The following LAMA2 variants were observed in gnomAD, a reference collection of about 807,000 sequenced individuals.
LAMA2 encodes laminin subunit alpha 2.
Under a neutral mutation model 364.8 loss-of-function variants are expected in LAMA2, and 269 were observed. The ratio of observed to expected loss-of-function variants is 0.74; its 90% confidence interval spans 0.67 to 0.82. The LOEUF is 0.82. LAMA2 is among the 40% of genes least tolerant of loss of function. LAMA2 has a pLI of 0.00. For synonymous variants in LAMA2, 1,379 were observed against 1,370.6 expected (o/e 1.01, Z -0.14); for missense variants, 3,807 against 3,873.2 (o/e 0.98, Z 0.45).
chr6:129,091,092 T>C (rs777466612), intron 3 of LAMA2, among the ~76,000 whole-genome samples: 2 of 152,054 alleles, frequency 1.3e-5, no homozygotes, highest in African/African-American at 2.4e-5. Flanking sequence ...GGAAAAAAAA[T>C]AACATTTTCA....
At position 129,393,098 on chromosome 6, in the gene LAMA2, G is replaced by A. The variant is rs774715616; in HGVS notation, c.5288G>A (p.Gly1763Glu). The A allele has an allele frequency of 4.3e-6, 7 of 1,613,974 alleles. No individual in the cohort carries two copies. Among genetic ancestry groups the A allele is most frequent in the Non-Finnish European group, 5.9e-6 (7 of 1,179,954 alleles). The change falls in exon 37 of 65, where the codon GGG becomes GAG. Residue 1763 changes from glycine to glutamate, a missense_variant. Physicochemically the swap from Gly to Glu is moderately conservative, Grantham distance 98. This residue lies in a region of LAMA2 where 3,333 missense variants were observed against 3,345.7 expected (regional missense o/e 1.00). Transcript: ENST00000421865. ...KVKKLFGESR[G>E]ENEEMEKDLR... Reference sequence around the variant, plus strand: ...AAGAAGCTGTTTGGAGAGTCCCGGGGGGAAAATGAAGAAATGGAGAAGGAT... The same window carrying A: ...AAGAAGCTGTTTGGAGAGTCCCGGGAGGAAAATGAAGAAATGGAGAAGGAT...
chr6:129,123,412 T>C (rs1291443324), intron 4 of LAMA2, among the ~76,000 whole-genome samples: 1 of 151,964 alleles, frequency 6.6e-6, no homozygotes, highest in Admixed American at 6.6e-5. Context: ...AATCAGGATC[T>C]CAAAGAGATA....
In LAMA2 at chr6:129,369,891, GC is replaced by G. The variant is rs766166913; in HGVS notation, c.4861del (p.His1621ThrfsTer20). 5 of 1,613,642 alleles carry G rather than the reference GC, an allele frequency of 3.1e-6. No homozygotes were observed. In the African/African-American group the frequency reaches 6.7e-5, roughly 22 times the overall value. On this transcript the variant is annotated frameshift_variant and splice_region_variant, in exon 34 of 65. Transcript: ENST00000421865. LOFTEE classifies it high-confidence loss of function. ...GLENMTQELK[H>X]LLSPQRAPER... ...TGTTTATGGGATGGAATCTTTTTCA[GC>G]ACTTGCTGTCACCTCAGCGGGCCCC...
At chr6:129,147,264 C>CTTTTTT (rs10647857) in intron 6 of LAMA2, among the ~76,000 whole-genome samples, 1 of 125,634 alleles carries the variant, frequency 8.0e-6, no homozygotes, top group African/African-American at 2.9e-5. Flanking sequence ...TTAGTTTTTC[C>CTTTTTT]TTTTTTTTTT....
chr6:128,927,774 T>A (rs1324979689), intron 1 of LAMA2, among the ~76,000 whole-genome samples: 1 of 152,228 alleles, frequency 6.6e-6, no homozygotes, highest in Non-Finnish European at 1.5e-5. Context: ...CAATTAATTA[T>A]TATTAATAGA....
At chr6:128,934,457 T>C (rs13195595) in intron 1 of LAMA2, among the ~76,000 whole-genome samples, 10,677 of 152,174 alleles carry the variant, frequency 0.07, 450 homozygotes, top group South Asian at 0.12. Flanking sequence ...TTAAAATTCT[T>C]ATTCTTTTTT....
At chr6:129,401,385 T>C in intron 38 of LAMA2, 45 bp downstream of exon 38, 1 of 1,174,940 alleles carries the variant, frequency 8.5e-7, no homozygotes, top group South Asian at 1.2e-5. Flanking sequence ...AATGAATAAA[T>C]GGGAGCCGAT....
intron 1 of LAMA2, among the ~76,000 whole-genome samples, chr6:128,950,227 A>G (rs899009155): frequency 2.0e-5 from 3 of 152,156 alleles, no homozygotes; most frequent in African/African-American, 7.2e-5. Context: ...AGAATGGGGC[A>G]CTCAGAGAAA....
intron 41 of LAMA2, 97 bp downstream of exon 41, chr6:129,427,951 T>C (rs1271772375): frequency 2.5e-6 from 2 of 812,208 alleles, no homozygotes; most frequent in Non-Finnish European, 4.2e-6. Flanking sequence ...TTCTTTAGCA[T>C]GATTTTTGTG....
At chr6:129,231,818 T>C (rs1784685289) in intron 12 of LAMA2, among the ~76,000 whole-genome samples, 1 of 152,114 alleles carries the variant, frequency 6.6e-6, no homozygotes, top group Admixed American at 6.6e-5. Context: ...CAAAATATCA[T>C]TTAGTGCATC....
chr6:129,168,666 A>G (rs1296134072), intron 9 of LAMA2, among the ~76,000 whole-genome samples: 2 of 144,486 alleles, frequency 1.4e-5, no homozygotes, highest in African/African-American at 5.2e-5. Context: ...TTGGTTCCAT[A>G]TGAACTTTAA....
intron 12 of LAMA2, among the ~76,000 whole-genome samples, chr6:129,206,459 A>G (rs1392094794): frequency 1.3e-5 from 2 of 152,214 alleles, no homozygotes. Flanking sequence ...AAGCTGTTGT[A>G]AAAATTATTG....
At chr6:129,222,011 A>G (rs970802717) in intron 12 of LAMA2, among the ~76,000 whole-genome samples, 3 of 152,226 alleles carry the variant, frequency 2.0e-5, no homozygotes, top group South Asian at 2.1e-4. Flanking sequence ...TGCTGAAATT[A>G]TCTTTTTAAA....
At chr6:129,130,447 C>CCA (rs1216931087) in intron 4 of LAMA2, among the ~76,000 whole-genome samples, 6 of 152,312 alleles carry the variant, frequency 3.9e-5, no homozygotes, top group Middle Eastern at 3.4e-3. Flanking sequence ...TAAAAGACTG[C>CCA]CACACTTAGC....
rs1776738090 is a variant in LAMA2 at position 129,349,413 on chromosome 6, A to G, written c.4523+29A>G. 3 of 1,514,290 alleles carry G rather than the reference A, an allele frequency of 2.0e-6. No homozygotes were observed. In the East Asian group the frequency reaches 6.8e-5, roughly 34 times the overall value. 93.8% of individuals were successfully genotyped at this position (1,514,290 alleles called of 1,614,324 possible). ...CCAACAGCCATGAAACGTACAGAGT[A>G]ATGATATGTAGGGACTATATGGTAA... is the stretch of plus-strand genomic sequence containing the variant. On this transcript the variant is annotated intron_variant, in intron 31 of 64. Transcript: ENST00000421865.
chr6:129,155,534 AT>A (rs1001035305), intron 8 of LAMA2, among the ~76,000 whole-genome samples: 8 of 152,138 alleles, frequency 5.3e-5, no homozygotes, highest in African/African-American at 1.7e-4. Flanking sequence ...AAGTCTAAAT[AT>A]TTTTTTATCC....
chr6:129,425,962 T>A (rs1220121629), intron 40 of LAMA2, among the ~76,000 whole-genome samples: 1 of 151,752 alleles, frequency 6.6e-6, no homozygotes, highest in Non-Finnish European at 1.5e-5. Flanking sequence ...CAGATTACAT[T>A]CTTACAAAAA....
At chr6:129,126,757 A>G (rs1321492230) in intron 4 of LAMA2, among the ~76,000 whole-genome samples, 1 of 152,234 alleles carries the variant, frequency 6.6e-6, no homozygotes, top group Non-Finnish European at 1.5e-5. Flanking sequence ...AGCATATATC[A>G]TAGTGACATA....
At chr6:129,320,170 AAAAG>A (rs1774872603) in intron 27 of LAMA2, among the ~76,000 whole-genome samples, 1 of 151,784 alleles carries the variant, frequency 6.6e-6, no homozygotes, top group African/African-American at 2.4e-5. Flanking sequence ...AAGAAAAAAA[AAAAG>A]AAAAGAATAG....
Sources: gnomAD v4.1 joint callset for allele counts (sites outside exome capture counted in the v4.1 genomes callset) on GRCh38, gnomAD v4.1.1 for gene constraint, gnomAD v4.1.1 regional missense constraint, MANE v1.5 for transcripts, NCBI Gene and HGNC (gene_info 2026-07-23, HGNC 2026-07-21) for gene names.